The following CDH18 variants were observed in gnomAD, a reference collection of about 807,000 sequenced individuals.
The protein encoded by CDH18 is cadherin 18.
In CDH18, 31 loss-of-function variants were observed where a neutral mutation model predicts 67.9. That is an observed-to-expected ratio of 0.46 (90% CI 0.34 to 0.62). CDH18 has a LOEUF of 0.62. Ranked by LOEUF, CDH18 falls within the 20% of genes least tolerant of loss-of-function variation. The pLI is 0.01. For missense variants in CDH18, 890 were observed against 975.5 expected, an observed-to-expected ratio of 0.91 and a Z score of 1.17; for synonymous variants, 362 against 347.2, an observed-to-expected ratio of 1.04 and a Z score of -0.48.
At chr5:19,789,023 T>C (rs972488834) in intron 3 of CDH18, among the ~76,000 whole-genome samples, 1 of 152,220 alleles carries the variant, frequency 6.6e-6, no homozygotes, top group Non-Finnish European at 1.5e-5. Context: ...ACATGAAGCA[T>C]GCATGCCATC....
At chr5:19,650,985 A>G (rs749028404) in intron 5 of CDH18, among the ~76,000 whole-genome samples, 25 of 152,048 alleles carry the variant, frequency 1.6e-4, no homozygotes, top group Non-Finnish European at 4.4e-5. Context: ...AATATGCTTT[A>G]TGCTAAAAGT....
At chr5:19,927,480 A>G (rs1793217649) in intron 2 of CDH18, among the ~76,000 whole-genome samples, 1 of 152,140 alleles carries the variant, frequency 6.6e-6, no homozygotes, top group African/African-American at 2.4e-5. Context: ...ATTCTTAATG[A>G]CCACACTGTA....
intron 5 of CDH18, among the ~76,000 whole-genome samples, chr5:19,702,797 A>C (rs187936918): frequency 6.6e-6 from 1 of 152,160 alleles, no homozygotes; most frequent in East Asian, 2.0e-4. Context: ...TGACATGCTC[A>C]TGATTGCTAT....
intron 1 of CDH18, among the ~76,000 whole-genome samples, chr5:20,331,131 A>T (rs1156528752): frequency 1.3e-5 from 2 of 152,238 alleles, no homozygotes; most frequent in East Asian, 3.8e-4. Flanking sequence ...TATTAGTTGT[A>T]GAAGATTAAT....
chr5:20,464,415 T>C (rs573696440), intron 1 of CDH18, among the ~76,000 whole-genome samples: 1 of 152,146 alleles, frequency 6.6e-6, no homozygotes, highest in Admixed American at 6.6e-5. Flanking sequence ...TTAGAGTTCT[T>C]GGAAATAGTA....
intron 2 of CDH18, among the ~76,000 whole-genome samples, chr5:19,856,387 C>T (rs924822136): frequency 3.9e-5 from 6 of 152,106 alleles, no homozygotes; most frequent in Non-Finnish European, 8.8e-5. Flanking sequence ...AATATTCCAT[C>T]AAGAGAATAT....
At chr5:19,737,414 G>A (rs1302522198) in intron 4 of CDH18, among the ~76,000 whole-genome samples, 1 of 151,946 alleles carries the variant, frequency 6.6e-6, no homozygotes, top group Non-Finnish European at 1.5e-5. Context: ...TTCACTCTAT[G>A]CCTGGTCACT....
intron 3 of CDH18, among the ~76,000 whole-genome samples, chr5:19,800,672 A>G (rs1379877834): frequency 2.0e-5 from 3 of 152,182 alleles, no homozygotes. Flanking sequence ...TGTGTAAACC[A>G]TTGGATTCTC....
chr5:19,642,971 C>CA (rs1256430492), intron 5 of CDH18, among the ~76,000 whole-genome samples: 3 of 151,120 alleles, frequency 2.0e-5, no homozygotes, highest in Admixed American at 6.6e-5. Context: ...ACCTAAATAG[C>CA]AAAAAAACAA....
chr5:19,720,794 T>C (rs1765992662), intron 5 of CDH18, among the ~76,000 whole-genome samples: 1 of 152,204 alleles, frequency 6.6e-6, no homozygotes, highest in South Asian at 2.1e-4. Context: ...TTTAATTCTT[T>C]TTTGGTAACA....
At chr5:20,493,750 T>C (rs1753732801) in intron 1 of CDH18, among the ~76,000 whole-genome samples, 3 of 152,130 alleles carry the variant, frequency 2.0e-5, no homozygotes, top group Admixed American at 2.0e-4. Context: ...CAAGTCCTCA[T>C]TGTTTTGGGT....
chr5:20,057,010 T>C (rs1235855278), intron 2 of CDH18, among the ~76,000 whole-genome samples: 1 of 152,126 alleles, frequency 6.6e-6, no homozygotes, highest in Admixed American at 6.6e-5. Context: ...GAAGAATCTA[T>C]AAAAGTACCT....
chr5:19,611,560 A>G (rs952153028), intron 6 of CDH18, among the ~76,000 whole-genome samples: 3 of 152,102 alleles, frequency 2.0e-5, no homozygotes, highest in African/African-American at 7.2e-5. Context: ...ATTAAGAGAC[A>G]AGAGATAAAG....
intron 5 of CDH18, among the ~76,000 whole-genome samples, chr5:19,622,864 C>T (rs911477570): frequency 5.9e-5 from 9 of 152,252 alleles, no homozygotes; most frequent in Admixed American, 1.3e-4. Context: ...CAACGTCATA[C>T]GGATTAAGAA....
chr5:19,713,269 C>G (rs1397958175), intron 5 of CDH18, among the ~76,000 whole-genome samples: 1 of 152,010 alleles, frequency 6.6e-6, no homozygotes, highest in Non-Finnish European at 1.5e-5. Context: ...AAAGGTATAA[C>G]TACCATTTTA....
At chr5:20,573,806 A>AATAT (rs60858438) in intron 1 of CDH18, among the ~76,000 whole-genome samples, 1,291 of 117,128 alleles carry the variant, frequency 0.011, 192 homozygotes, top group East Asian at 0.051. Flanking sequence ...ACTTAAAAGA[A>AATAT]ATATATATAT....
intron 12 of CDH18, among the ~76,000 whole-genome samples, chr5:19,474,279 T>C (rs1030374352): frequency 1.3e-5 from 2 of 152,188 alleles, no homozygotes; most frequent in African/African-American, 2.4e-5. Flanking sequence ...TATATTATCA[T>C]GCATTAATAA....
At chr5:19,984,188 T>G (rs1423310712) in intron 1 of CDH18, among the ~76,000 whole-genome samples, 1 of 150,486 alleles carries the variant, frequency 6.6e-6, no homozygotes, top group East Asian at 1.9e-4. Flanking sequence ...ACTGTATGCC[T>G]CTCTATGTAT....
intron 1 of CDH18, among the ~76,000 whole-genome samples, chr5:20,434,181 T>C (rs368550480): frequency 3.3e-5 from 5 of 152,058 alleles, no homozygotes; most frequent in South Asian, 4.1e-4. Flanking sequence ...TTACAAATAC[T>C]GACAAGTTAA....
Sources: gnomAD v4.1 joint callset for allele counts (sites outside exome capture counted in the v4.1 genomes callset) on GRCh38, gnomAD v4.1.1 for gene constraint, MANE v1.5 for transcripts, NCBI Gene and HGNC (gene_info 2026-07-23, HGNC 2026-07-21) for gene names.